The following SRBD1 variants were observed in gnomAD, a reference collection of about 807,000 sequenced individuals.
SRBD1 encodes S1 RNA-binding domain-containing protein 1.
A neutral mutation model predicts 115.3 loss-of-function variants in SRBD1; 88 were observed. The observed-to-expected ratio is 0.76, with a 90% CI of 0.64 to 0.91. The LOEUF (loss-of-function observed/expected upper bound fraction) is 0.91. Among genes scored for constraint, SRBD1 ranks in the 40% least tolerant of loss-of-function variants. SRBD1 has a pLI of 0.00. For synonymous variants in SRBD1, 509 were observed against 407.7 expected (o/e 1.25, Z -2.99); for missense variants, 1,385 against 1,177.4 (o/e 1.18, Z -2.58).
At chr2:45,463,321 A>G (rs1328862476) in intron 16 of SRBD1, among the ~76,000 whole-genome samples, 4 of 152,194 alleles carry the variant, frequency 2.6e-5, no homozygotes, top group African/African-American at 9.7e-5. Context: ...CTGTCCCTAT[A>G]ATAATGATGA....
At chr2:45,608,649 A>C (rs1386444127) in intron 1 of SRBD1, among the ~76,000 whole-genome samples, 2 of 152,118 alleles carry the variant, frequency 1.3e-5, no homozygotes, top group Admixed American at 6.5e-5. Flanking sequence ...TCAGATTTCT[A>C]TAATAAACTG....
At chr2:45,555,925 C>A (rs1038738682) in intron 10 of SRBD1, among the ~76,000 whole-genome samples, 1 of 152,138 alleles carries the variant, frequency 6.6e-6, no homozygotes, top group East Asian at 1.9e-4. Flanking sequence ...GCATCTCTGC[C>A]CTTGCCCTCT....
intron 4 of SRBD1, among the ~76,000 whole-genome samples, chr2:45,593,810 CAA>C (rs1303175261): frequency 6.6e-6 from 1 of 152,120 alleles, no homozygotes; most frequent in African/African-American, 2.4e-5. Flanking sequence ...ACTACACACA[CAA>C]GTTTCCTTAC....
intron 4 of SRBD1, among the ~76,000 whole-genome samples, chr2:45,593,667 T>C (rs1019089059): frequency 1.3e-5 from 2 of 152,248 alleles, no homozygotes; most frequent in African/African-American, 2.4e-5. Flanking sequence ...GACTCTCTAA[T>C]GAGTGAAATT....
chr2:45,500,279 C>CTGTGTG (rs139961270), intron 14 of SRBD1, among the ~76,000 whole-genome samples: 2 of 143,356 alleles, frequency 1.4e-5, no homozygotes, highest in Admixed American at 6.9e-5. Flanking sequence ...GTGCATGTCT[C>CTGTGTG]TGTGTGTGTG....
intron 14 of SRBD1, among the ~76,000 whole-genome samples, chr2:45,540,443 G>GTAC (rs1671898488): frequency 6.6e-6 from 1 of 150,602 alleles, no homozygotes; most frequent in Non-Finnish European, 1.5e-5. Context: ...CAAAACAGAA[G>GTAC]AAAATCACAG....
chr2:45,394,717 C>T (rs533207482), intron 19 of SRBD1, among the ~76,000 whole-genome samples: 64 of 152,322 alleles, frequency 4.2e-4, no homozygotes, highest in Middle Eastern at 6.8e-3. Flanking sequence ...TAGGGCATCT[C>T]TTTGAATTCA....
intron 14 of SRBD1, among the ~76,000 whole-genome samples, chr2:45,499,284 C>T (rs1670554688): frequency 6.6e-6 from 1 of 152,010 alleles, no homozygotes; most frequent in African/African-American, 2.4e-5. Flanking sequence ...TAGTGGTTAT[C>T]TGTATGTCTT....
At chr2:45,583,043 A>G (rs1281587775) in intron 5 of SRBD1, among the ~76,000 whole-genome samples, 1 of 152,218 alleles carries the variant, frequency 6.6e-6, no homozygotes, top group Non-Finnish European at 1.5e-5. Context: ...TTTCACTGTG[A>G]ATATACAATC....
In SRBD1 at chr2:45,456,816, T is replaced by A. The variant is rs532729015; in HGVS notation, c.2049+20177A>T. ...TTTTCCAAGGAAAATTAATTACTTATGACTTACAGTTGTAAAAGCAAACAA... is the reference window on the plus strand; with the variant it reads ...TTTTCCAAGGAAAATTAATTACTTAAGACTTACAGTTGTAAAAGCAAACAA... On this transcript the variant is annotated intron_variant, in intron 16 of 20. Coordinates refer to ENST00000263736, the MANE Select transcript of SRBD1 (RefSeq NM_018079.5). Among the ~76,000 whole-genome samples, 62 of 152,056 alleles carry A rather than the reference T, an allele frequency of 4.1e-4. 2 individuals are homozygous for A. In the South Asian group the frequency reaches 0.013, roughly 31 times the overall value.
intron 15 of SRBD1, among the ~76,000 whole-genome samples, chr2:45,480,549 T>C (rs1669930630): frequency 6.6e-6 from 1 of 152,208 alleles, no homozygotes; most frequent in Non-Finnish European, 1.5e-5. Context: ...GTGACTGAAT[T>C]GCTGTAATCT....
intron 18 of SRBD1, 117 bp from the exon 19 acceptor site, chr2:45,413,410 T>G: frequency 8.4e-7 from 1 of 1,196,878 alleles, no homozygotes; most frequent in Non-Finnish European, 1.2e-6. Flanking sequence ...AGCAACCAGA[T>G]TTTGACCTTT....
At chr2:45,576,599 G>A (rs1417653324) in intron 7 of SRBD1, among the ~76,000 whole-genome samples, 1 of 152,172 alleles carries the variant, frequency 6.6e-6, no homozygotes, top group African/African-American at 2.4e-5. Flanking sequence ...ACCTTTACAA[G>A]ATGGGAGACT....
chr2:45,452,134 T>A (rs73925665), intron 16 of SRBD1, among the ~76,000 whole-genome samples: 1,687 of 152,134 alleles, frequency 0.011, 27 homozygotes, highest in African/African-American at 0.031. Context: ...ACTGCTTTCA[T>A]ATGTTAAGGA....
At chr2:45,391,799 C>T (rs1400778140) in intron 20 of SRBD1, among the ~76,000 whole-genome samples, 1 of 152,116 alleles carries the variant, frequency 6.6e-6, no homozygotes, top group Non-Finnish European at 1.5e-5. Flanking sequence ...GATAATGGAA[C>T]AATCGACACT....
chr2:45,400,893 A>G (rs1189421216), intron 19 of SRBD1, among the ~76,000 whole-genome samples: 3 of 152,102 alleles, frequency 2.0e-5, no homozygotes, highest in African/African-American at 7.2e-5. Flanking sequence ...CTGCCTCCAG[A>G]CTGAGTTAGG....
chr2:45,389,717 G>C (rs115927552), intron 20 of SRBD1, 118 bp from the exon 21 acceptor site: 1 of 1,041,574 alleles, frequency 9.6e-7, no homozygotes, highest in African/African-American at 1.6e-5. Flanking sequence ...AGATTAAGGG[G>C]GGATTATAAA....
chr2:45,424,052 T>C (rs1003913231), intron 16 of SRBD1, among the ~76,000 whole-genome samples: 3 of 152,176 alleles, frequency 2.0e-5, no homozygotes, highest in Non-Finnish European at 4.4e-5. Context: ...AACAAAAACA[T>C]TGACTTACAT....
chr2:45,449,817 C>G (rs1381066511), intron 16 of SRBD1, among the ~76,000 whole-genome samples: 1 of 152,140 alleles, frequency 6.6e-6, no homozygotes, highest in Non-Finnish European at 1.5e-5. Context: ...TTAACACGAA[C>G]TAGAGTCATC....
Sources: allele counts gnomAD v4.1 joint callset (sites outside exome capture counted in the v4.1 genomes callset), GRCh38; gene constraint gnomAD v4.1.1; transcripts MANE v1.5; gene names NCBI Gene and HGNC (gene_info 2026-07-23, HGNC 2026-07-21).